The following TENT5C variants were observed in gnomAD, a reference collection of about 807,000 sequenced individuals.
The protein encoded by TENT5C is family with sequence similarity 46 member C.
In TENT5C, 5 loss-of-function variants were observed where a neutral mutation model predicts 22.2. That is an observed-to-expected ratio of 0.22 (90% CI 0.12 to 0.47). The LOEUF is 0.47. Ranked by LOEUF, TENT5C falls within the 20% of genes least tolerant of loss-of-function variation. The probability of loss-of-function intolerance (pLI) is 0.99; values close to 1 mark genes in which losing one functional copy is unlikely to be tolerated. For missense variants in TENT5C, 364 were observed against 500.9 expected (o/e 0.73, Z 2.61); for synonymous variants, 199 against 195.4 (o/e 1.02, Z -0.15).
rs1349639622 is a variant in TENT5C at position 117,623,236 on chromosome 1, G to T, written c.368G>T (p.Gly123Val). ...LCSLLNFLPE[G>V]VNKLKISPVT... ...TCCCTTCTGAACTTCCTGCCAGAGG[G>T]TGTGAACAAGCTCAAAATCAGTCCA... Residue 123 changes from glycine to valine, a missense_variant, in exon 2 of 2, where the codon GGT (glycine) becomes GTT (valine). Physicochemically the swap from Gly to Val is moderately radical, Grantham distance 109 (BLOSUM62 -3). Coordinates refer to ENST00000369448, the MANE Select transcript of TENT5C (RefSeq NM_017709.4). The T allele has an allele frequency of 6.2e-7, 1 of 1,614,164 alleles. No homozygotes were observed.
chr1:117,609,558 C>T (rs1175349140), intron 1 of TENT5C, among the ~76,000 whole-genome samples: 1 of 152,158 alleles, frequency 6.6e-6, no homozygotes, highest in African/African-American at 2.4e-5. Context: ...TTAAGTGCTT[C>T]CTAGGCAGTA....
intron 1 of TENT5C, among the ~76,000 whole-genome samples, chr1:117,611,510 C>T (rs1242541440): frequency 3.9e-5 from 6 of 152,052 alleles, no homozygotes; most frequent in Non-Finnish European, 8.8e-5. Flanking sequence ...ATGAGAGACA[C>T]GATTAACTTC....
intron 1 of TENT5C, among the ~76,000 whole-genome samples, chr1:117,611,806 C>G (rs1413317250): frequency 1.3e-5 from 2 of 152,140 alleles, no homozygotes; most frequent in Non-Finnish European, 2.9e-5. Flanking sequence ...GCCATCGAAC[C>G]ACGGCACTGC....
rs976630834 is a variant in TENT5C at position 117,624,472 on chromosome 1, A to G, written c.*428A>G. ...CTCACTTGGGATTCTCAGCAGTTAC[A>G]TGAAAGTTGTGCTGATAATCTCTTC... On this transcript the variant is annotated 3_prime_UTR_variant, in exon 2 of 2. Coordinates refer to ENST00000369448, the MANE Select transcript of TENT5C (RefSeq NM_017709.4). 1 of 257,220 alleles carries G rather than the reference A, an allele frequency of 3.9e-6. No homozygotes were observed. Among genetic ancestry groups the G allele is most frequent in the Non-Finnish European group, 8.0e-6 (1 of 124,408 alleles). The allele number at this position is 257,220 out of a possible 1,614,324, so 15.9% of individuals were successfully genotyped here. A position where few individuals can be genotyped will look rare whatever the true frequency, so the allele number is the denominator to read the frequency against.
Position 117,624,804 on chromosome 1 carries a change from G to C in TENT5C, c.*760G>C. The stretch of plus-strand genomic sequence containing the variant: ...GAACATAATGTTTAATTAGAATTGT[G>C]GTGGTGGTAGTGGAAGGGGATAATT... On this transcript the variant is annotated 3_prime_UTR_variant, in exon 2 of 2. Transcript: ENST00000369448. 1 of 247,924 alleles carries C rather than the reference G, an allele frequency of 4.0e-6. No homozygotes were observed. 15.4% of individuals were successfully genotyped at this position (247,924 alleles called of 1,614,324 possible).
rs530264829 is a variant in TENT5C, at chr1:117,624,995, A to G, written c.*951A>G. The G allele has an allele frequency of 6.9e-5, 17 of 248,090 alleles. No homozygotes were observed. Among genetic ancestry groups the G allele is most frequent in the African/African-American group, 3.7e-4 (17 of 45,442 alleles). 15.4% of individuals were successfully genotyped at this position (248,090 alleles called of 1,614,324 possible). A position where few individuals can be genotyped will look rare whatever the true frequency, so the allele number is the denominator to read the frequency against. On this transcript the variant is annotated 3_prime_UTR_variant, in exon 2 of 2. Coordinates refer to ENST00000369448, the MANE Select transcript of TENT5C (RefSeq NM_017709.4). ...GAGTCCAGAGTCATTGTGGTAACTG[A>G]CATGAGGGTCTTCCCATGTTTTAAC...
Position 117,626,109 on chromosome 1 carries a change from G to A in TENT5C, c.*2065G>A, listed in dbSNP as rs1437393961. On this transcript the variant is annotated 3_prime_UTR_variant, in exon 2 of 2. Coordinates refer to ENST00000369448, the MANE Select transcript of TENT5C (RefSeq NM_017709.4). Reference sequence around the variant, plus strand: ...ATGTGTTTGCACAAAAATGACCGATGTGTTTAACCAAAGCTTTGAAATGTG... The same window carrying A: ...ATGTGTTTGCACAAAAATGACCGATATGTTTAACCAAAGCTTTGAAATGTG... 1 of 247,932 alleles carries A rather than the reference G, an allele frequency of 4.0e-6. No homozygotes were observed. Among genetic ancestry groups the A allele is most frequent in the Non-Finnish European group, 8.5e-6 (1 of 118,048 alleles). 15.4% of individuals were successfully genotyped at this position (247,932 alleles called of 1,614,324 possible).
intron 1 of TENT5C, among the ~76,000 whole-genome samples, chr1:117,617,339 C>T (rs1319802891): frequency 6.6e-6 from 1 of 151,816 alleles, no homozygotes; most frequent in Non-Finnish European, 1.5e-5. Context: ...ACCTTCTGGC[C>T]TAGTTTGTTT....
chr1:117,606,526 G>A (rs761696737), intron 1 of TENT5C, among the ~76,000 whole-genome samples: 2 of 152,178 alleles, frequency 1.3e-5, no homozygotes, highest in African/African-American at 4.8e-5. Flanking sequence ...GTGTGTGATC[G>A]GCGCCTCCGC....
chr1:117,625,054 C>T lies in TENT5C; in HGVS notation c.*1010C>T. 1 of 247,848 alleles carries T rather than the reference C, an allele frequency of 4.0e-6. No individual in the cohort carries two copies. Among genetic ancestry groups the T allele is most frequent in the East Asian group, 6.0e-5 (1 of 16,564 alleles). 15.4% of individuals were successfully genotyped at this position (247,848 alleles called of 1,614,324 possible). A position where few individuals can be genotyped will look rare whatever the true frequency, so the allele number is the denominator to read the frequency against. ...CACTTTGGTCACATTCCAAGTATGA[C>T]ACAGCTGTTCTTCTGGAGTACTTTA... On this transcript the variant is annotated 3_prime_UTR_variant, in exon 2 of 2. Transcript: ENST00000369448.
At chr1:117,609,905 T>G (rs544113267) in intron 1 of TENT5C, among the ~76,000 whole-genome samples, 2 of 152,212 alleles carry the variant, frequency 1.3e-5, no homozygotes, top group Non-Finnish European at 2.9e-5. Flanking sequence ...AGTCCTCTTT[T>G]AAGTAGAGGC....
At chr1:117,610,238 G>T (rs1419637595) in intron 1 of TENT5C, among the ~76,000 whole-genome samples, 1 of 151,962 alleles carries the variant, frequency 6.6e-6, no homozygotes, top group Non-Finnish European at 1.5e-5. Context: ...TGTGCATTTG[G>T]AACTCCATCC....
At chr1:117,620,270 T>C (rs1372988982) in intron 1 of TENT5C, among the ~76,000 whole-genome samples, 2 of 152,244 alleles carry the variant, frequency 1.3e-5, no homozygotes, top group Admixed American at 1.3e-4. Flanking sequence ...CCTACAGTTA[T>C]TCTCCTCTGT....
At chr1:117,612,940 G>A (rs1653699740) in intron 1 of TENT5C, among the ~76,000 whole-genome samples, 1 of 152,226 alleles carries the variant, frequency 6.6e-6, no homozygotes, top group Non-Finnish European at 1.5e-5. Context: ...GCCTGTGGAA[G>A]CAGCCTTTGA....
chr1:117,616,137 G>A (rs1052404792), intron 1 of TENT5C, among the ~76,000 whole-genome samples: 3 of 152,050 alleles, frequency 2.0e-5, no homozygotes, highest in African/African-American at 7.2e-5. Flanking sequence ...GAGGACCTGG[G>A]GTCAATTCGC....
At chr1:117,611,809 G>C (rs993907959) in intron 1 of TENT5C, among the ~76,000 whole-genome samples, 1 of 152,190 alleles carries the variant, frequency 6.6e-6, no homozygotes. Flanking sequence ...ATCGAACCAC[G>C]GCACTGCAGC....
At chr1:117,621,520 C>G (rs918133674) in intron 1 of TENT5C, among the ~76,000 whole-genome samples, 2 of 152,144 alleles carry the variant, frequency 1.3e-5, no homozygotes, top group Admixed American at 1.3e-4. Flanking sequence ...CCCTGACAAC[C>G]AAGTAACAAC....
intron 1 of TENT5C, among the ~76,000 whole-genome samples, chr1:117,614,708 A>AGTAATT (rs1168850838): frequency 6.6e-6 from 1 of 152,206 alleles, no homozygotes; most frequent in Non-Finnish European, 1.5e-5. Flanking sequence ...GAGGAGTCTC[A>AGTAATT]GTAATTGTTC....
rs139502378 is a variant in TENT5C, at chr1:117,623,954, C to T, written c.1086C>T (p.Tyr362=). ...CCTGTTACTACCAGCCGGCCCCTTA[C>T]GTCAGTGATGGCAACTTCAGCAACT... ...NVTCYYQPAP[Y]VSDGNFSNYY... is the part of the protein sequence containing the mutation. Residue 362 remains tyrosine, a synonymous_variant, in exon 2 of 2, where the codon TAC becomes TAT. Coordinates refer to ENST00000369448, the MANE Select transcript of TENT5C (RefSeq NM_017709.4). 127 of 1,613,984 alleles carry T rather than the reference C, an allele frequency of 7.9e-5. No individual in the cohort carries two copies. The highest frequency in any genetic ancestry group is 1.6e-4 in the African/African-American group (12 of 74,894).
Sources: gnomAD v4.1 joint callset for allele counts (sites outside exome capture counted in the v4.1 genomes callset) on GRCh38, gnomAD v4.1.1 for gene constraint, MANE v1.5 for transcripts, NCBI Gene and HGNC (gene_info 2026-07-23, HGNC 2026-07-21) for gene names.